The following CNTNAP2 variants were observed in gnomAD, a reference collection of about 807,000 sequenced individuals.
CNTNAP2 encodes the protein contactin-associated protein-like 2.
In CNTNAP2, 98 loss-of-function variants were observed where a neutral mutation model predicts 155.2. The observed-to-expected ratio is 0.63, with a 90% confidence interval of 0.54 to 0.75. The LOEUF (loss-of-function observed/expected upper bound fraction) is 0.75, where lower values mean the gene tolerates loss of function less well. Among genes scored for constraint, CNTNAP2 ranks in the 30% least tolerant of loss-of-function variants. The pLI is 0.00. For synonymous variants in CNTNAP2, 651 were observed against 631.2 expected, an observed-to-expected ratio of 1.03 and a Z score of -0.47; for missense variants, 1,727 against 1,688.1, an observed-to-expected ratio of 1.02 and a Z score of -0.40.
chr7:147,313,222 C>T (rs958381914), intron 9 of CNTNAP2, among the ~76,000 whole-genome samples: 4 of 152,170 alleles, frequency 2.6e-5, no homozygotes, highest in Non-Finnish European at 4.4e-5. Flanking sequence ...TCCCATCCCA[C>T]TCTGCTGGTA....
intron 1 of CNTNAP2, among the ~76,000 whole-genome samples, chr7:146,191,167 G>A (rs1183124996): frequency 1.3e-5 from 2 of 152,114 alleles, no homozygotes; most frequent in East Asian, 3.9e-4. Context: ...TTTTCCCTGA[G>A]TGTTGGCTGG....
At chr7:146,151,105 C>T (rs895397576) in intron 1 of CNTNAP2, among the ~76,000 whole-genome samples, 1 of 152,008 alleles carries the variant, frequency 6.6e-6, no homozygotes, top group African/African-American at 2.4e-5. Flanking sequence ...CATGAGAATT[C>T]ATCCACTATC....
chr7:146,456,396 G>T (rs1796555903), intron 1 of CNTNAP2, among the ~76,000 whole-genome samples: 1 of 152,160 alleles, frequency 6.6e-6, no homozygotes, highest in South Asian at 2.1e-4. Flanking sequence ...AACTAGGAAA[G>T]CAAGTTGCTT....
At chr7:147,503,062 A>G (rs1432526493) in intron 11 of CNTNAP2, among the ~76,000 whole-genome samples, 1 of 152,180 alleles carries the variant, frequency 6.6e-6, no homozygotes, top group Non-Finnish European at 1.5e-5. Context: ...TTGCTGGTCA[A>G]AACAACAGAA....
At chr7:146,874,019 A>C (rs1383380901) in intron 3 of CNTNAP2, among the ~76,000 whole-genome samples, 1 of 152,154 alleles carries the variant, frequency 6.6e-6, no homozygotes, top group Non-Finnish European at 1.5e-5. Flanking sequence ...CACACATTTC[A>C]GGAGAAATAA....
intron 9 of CNTNAP2, among the ~76,000 whole-genome samples, chr7:147,319,943 G>A (rs1052961576): frequency 6.6e-6 from 1 of 152,144 alleles, no homozygotes; most frequent in African/African-American, 2.4e-5. Flanking sequence ...TTTGGGCCAT[G>A]TGTTCTTTCT....
chr7:148,061,878 TATAGATAGATAGATAGATAG>T (rs199822052), intron 15 of CNTNAP2, among the ~76,000 whole-genome samples: 2 of 112,088 alleles, frequency 1.8e-5, no homozygotes, highest in Non-Finnish European at 3.8e-5. Flanking sequence ...GATAAACAGA[TATAGATAGATAGATAGATAG>T]ATAGATAGAT....
chr7:146,245,579 T>C (rs545264814), intron 1 of CNTNAP2, among the ~76,000 whole-genome samples: 1 of 152,150 alleles, frequency 6.6e-6, no homozygotes, highest in South Asian at 2.1e-4. Context: ...ACACTAACCA[T>C]GCCTAGGAAG....
intron 15 of CNTNAP2, among the ~76,000 whole-genome samples, chr7:148,075,295 A>C (rs1273283939): frequency 1.3e-5 from 2 of 152,122 alleles, no homozygotes; most frequent in African/African-American, 4.8e-5. Flanking sequence ...AAATTAGCCA[A>C]GCCTGGTGGC....
At chr7:148,317,850 C>A (rs577482424) in intron 21 of CNTNAP2, among the ~76,000 whole-genome samples, 24 of 152,132 alleles carry the variant, frequency 1.6e-4, no homozygotes, top group Non-Finnish European at 2.9e-4. Context: ...ACAGGCACCA[C>A]GCCCGGCTAA....
chr7:147,969,694 T>C (rs974279327), intron 14 of CNTNAP2, among the ~76,000 whole-genome samples: 3 of 152,184 alleles, frequency 2.0e-5, no homozygotes, highest in African/African-American at 7.2e-5. Context: ...ATAAATACAA[T>C]AAACTAAAAA....
At chr7:147,482,724 A>C (rs1025278271) in intron 10 of CNTNAP2, among the ~76,000 whole-genome samples, 1 of 58,960 alleles carries the variant, frequency 1.7e-5, no homozygotes, top group Non-Finnish European at 4.2e-5. Context: ...CCGTCTCAAT[A>C]AATAAATAAA....
At chr7:148,340,098 T>C (rs1361063699) in intron 21 of CNTNAP2, among the ~76,000 whole-genome samples, 1 of 151,950 alleles carries the variant, frequency 6.6e-6, no homozygotes, top group Non-Finnish European at 1.5e-5. Context: ...TATTCTGGCA[T>C]GCTATAAAAT....
chr7:146,604,794 AATC>A (rs1416452727), intron 1 of CNTNAP2, among the ~76,000 whole-genome samples: 1 of 144,862 alleles, frequency 6.9e-6, no homozygotes, highest in Admixed American at 6.9e-5. Context: ...TGAAATTGGA[AATC>A]ATCATTCTCA....
chr7:146,862,185 T>G (rs1486097197), intron 3 of CNTNAP2, among the ~76,000 whole-genome samples: 2 of 152,298 alleles, frequency 1.3e-5, no homozygotes, highest in East Asian at 3.9e-4. Flanking sequence ...AATCATTTAT[T>G]CTATCTTAAT....
At chr7:148,051,906 G>C (rs1006238961) in intron 15 of CNTNAP2, among the ~76,000 whole-genome samples, 6 of 152,078 alleles carry the variant, frequency 3.9e-5, no homozygotes, top group African/African-American at 1.4e-4. Context: ...TTGGGAGGCC[G>C]AGGCGGGTGG....
chr7:148,007,176 T>C (rs1801997339), intron 15 of CNTNAP2, among the ~76,000 whole-genome samples: 1 of 152,220 alleles, frequency 6.6e-6, no homozygotes. Flanking sequence ...TGGAAAATTG[T>C]GCCTTGTCTT....
intron 15 of CNTNAP2, among the ~76,000 whole-genome samples, chr7:148,103,976 G>T (rs1436411930): frequency 6.6e-6 from 1 of 152,060 alleles, no homozygotes; most frequent in Non-Finnish European, 1.5e-5. Flanking sequence ...GGCCTTTATA[G>T]TTCTTTGGTA....
At chr7:147,653,029 T>C (rs1481441132) in intron 13 of CNTNAP2, among the ~76,000 whole-genome samples, 3 of 152,190 alleles carry the variant, frequency 2.0e-5, no homozygotes, top group Non-Finnish European at 4.4e-5. Flanking sequence ...TATATAACAA[T>C]TTGTTTGAAA....
Sources: allele counts gnomAD v4.1 joint callset (sites outside exome capture counted in the v4.1 genomes callset), GRCh38; gene constraint gnomAD v4.1.1; transcripts MANE v1.5; gene names NCBI Gene and HGNC (gene_info 2026-07-23, HGNC 2026-07-21).